SHLD2: variants seen among roughly 807,000 people sequenced by gnomAD.
SHLD2 encodes the protein RINN1-REV7-interacting novel NHEJ regulator 2.
A neutral mutation model predicts 73.2 loss-of-function variants in SHLD2; 30 were observed. That is an observed-to-expected ratio of 0.41 (90% confidence interval 0.31 to 0.56). SHLD2 has a LOEUF of 0.56. Ranked by LOEUF, SHLD2 falls within the 20% of genes least tolerant of loss-of-function variation. SHLD2 has a pLI of 0.28. For synonymous variants in SHLD2, 285 were observed against 370.1 expected, an observed-to-expected ratio of 0.77 and a Z score of 2.64; for missense variants, 745 against 1,055.9, an observed-to-expected ratio of 0.71 and a Z score of 4.08.
intron 2 of SHLD2, among the ~76,000 whole-genome samples, 194 bp downstream of exon 2, chr10:87,097,183 T>A (rs1325816987): frequency 6.6e-6 from 1 of 152,200 alleles, no homozygotes; most frequent in African/African-American, 2.4e-5. Context: ...GTTTTATTGT[T>A]TTTGTTGTTC....
chr10:87,178,574 G>A (rs1023663802), intron 7 of SHLD2, among the ~76,000 whole-genome samples: 2 of 151,420 alleles, frequency 1.3e-5, no homozygotes, highest in African/African-American at 4.9e-5. Flanking sequence ...AAATTAGCCA[G>A]GTGTGGTGGT....
rs115477312 is a variant in SHLD2, at chr10:87,186,270, A to G, written c.2400-815A>G. ...AGTAGTTATGTTTTAGCTCTGTCAC[A>G]TTAAATTCCCCCGCTAATGAGCCTG... On this transcript the variant is annotated intron_variant, in intron 8 of 9. Coordinates refer to ENST00000298786, the MANE Select transcript of SHLD2 (RefSeq NM_001330112.2). Among the ~76,000 whole-genome samples, 677 of 152,328 alleles carry G rather than the reference A, an allele frequency of 4.4e-3. 7 individuals are homozygous for G. Among genetic ancestry groups the G allele is most frequent in the African/African-American group, 0.015 (625 of 41,560 alleles).
intron 4 of SHLD2, among the ~76,000 whole-genome samples, chr10:87,160,725 C>T (rs966418406): frequency 9.9e-5 from 15 of 151,694 alleles, no homozygotes; most frequent in African/African-American, 3.2e-4. Flanking sequence ...TGCGGTGGCT[C>T]ACGCCTGTAA....
At chr10:87,127,127 C>T (rs1300904780) in intron 2 of SHLD2, among the ~76,000 whole-genome samples, 1 of 151,530 alleles carries the variant, frequency 6.6e-6, no homozygotes, top group African/African-American at 2.4e-5. Flanking sequence ...TTAAATTGCC[C>T]TTTGTTTATT....
At chr10:87,168,248 T>C (rs564763553) in intron 4 of SHLD2, among the ~76,000 whole-genome samples, 89 of 151,930 alleles carry the variant, frequency 5.9e-4, no homozygotes, top group African/African-American at 1.8e-3. Flanking sequence ...CAGTGGAGGA[T>C]TGAATAAAGA....
chr10:87,157,552 TTTAAC>T (rs1222736935), intron 3 of SHLD2, among the ~76,000 whole-genome samples: 4 of 152,210 alleles, frequency 2.6e-5, no homozygotes, highest in Non-Finnish European at 5.9e-5. Context: ...GTCTTTCACT[TTTAAC>T]TTATGTGGAA....
chr10:87,122,768 AT>A lies in SHLD2; in HGVS notation c.-6+25784del, dbSNP rs573630405. Among the ~76,000 whole-genome samples, 530 of 152,202 alleles carry A rather than the reference AT, an allele frequency of 3.5e-3. 5 individuals carry two copies. The highest frequency in any genetic ancestry group is 0.012 in the African/African-American group (516 of 41,556). On this transcript the variant is annotated intron_variant, in intron 2 of 9. Coordinates refer to ENST00000298786, the MANE Select transcript of SHLD2 (RefSeq NM_001330112.2). The stretch of plus-strand genomic sequence containing the variant: ...AACAATAAGGTGTTTTTATTTATTT[AT>A]TTTTGTTTATTTTTATTTTATTTTT...
chr10:87,137,240 A>G (rs1844859876), intron 2 of SHLD2, among the ~76,000 whole-genome samples: 1 of 152,206 alleles, frequency 6.6e-6, no homozygotes, highest in Non-Finnish European at 1.5e-5. Context: ...TTGAATGATA[A>G]AGGTTAACAA....
rs530927935 is a variant in SHLD2, at chr10:87,141,130, A to T, written c.-5-10220A>T. On this transcript the variant is annotated intron_variant, in intron 2 of 9. Transcript: ENST00000298786. ...CCCTGTCTCTCAAAAAAAAAAATTTAAAAAGGGGGGCATGGTGGCATGGGC... is the reference window on the plus strand; with the variant it reads ...CCCTGTCTCTCAAAAAAAAAAATTTTAAAAGGGGGGCATGGTGGCATGGGC... Among the ~76,000 whole-genome samples the T allele has an allele frequency of 5.3e-5, 8 of 152,044 alleles. No homozygotes were observed. In the East Asian group the frequency reaches 1.2e-3, roughly 22 times the overall value.
At chr10:87,104,143 A>T (rs1055487285) in intron 2 of SHLD2, among the ~76,000 whole-genome samples, 3 of 151,742 alleles carry the variant, frequency 2.0e-5, no homozygotes, top group African/African-American at 7.3e-5. Context: ...AGGCTGAGAC[A>T]GGAGACTCGC....
intron 7 of SHLD2, among the ~76,000 whole-genome samples, chr10:87,178,097 A>G (rs888774079): frequency 6.6e-6 from 1 of 151,768 alleles, no homozygotes; most frequent in African/African-American, 2.4e-5. Context: ...TCAGCCAGGC[A>G]TGATGTCGGG....
intron 2 of SHLD2, among the ~76,000 whole-genome samples, chr10:87,098,183 T>C (rs34566502): frequency 0.012 from 1,898 of 152,262 alleles, 31 homozygotes; most frequent in Middle Eastern, 0.071. Context: ...GGAGTATTTC[T>C]TTTCACACTG....
At chr10:87,144,731 A>C (rs1346063084) in intron 2 of SHLD2, among the ~76,000 whole-genome samples, 1 of 139,484 alleles carries the variant, frequency 7.2e-6, no homozygotes, top group Non-Finnish European at 1.5e-5. Flanking sequence ...GGTTCACGCC[A>C]TGCTCCTGCC....
chr10:87,096,437 G>T (rs1273950842), intron 1 of SHLD2, among the ~76,000 whole-genome samples: 4 of 152,004 alleles, frequency 2.6e-5, no homozygotes, highest in Admixed American at 2.6e-4. Flanking sequence ...ACATTCCTAT[G>T]GATAGCTTTT....
At chr10:87,171,157 C>G (rs548502808) in intron 6 of SHLD2, among the ~76,000 whole-genome samples, 183 bp downstream of exon 6, 13 of 152,126 alleles carry the variant, frequency 8.5e-5, no homozygotes, top group Non-Finnish European at 1.8e-4. Flanking sequence ...ATTCATTTAT[C>G]TAATAAGTCT....
Position 87,106,523 on chromosome 10 carries a change from A to G in SHLD2, c.-6+9534A>G, listed in dbSNP as rs959961466. On this transcript the variant is annotated intron_variant, in intron 2 of 9. Transcript: ENST00000298786. ...AAATTCTAGTTCTCCTTGAGATCTT[A>G]TACAATGATAACAGTTTTAAAATTA... Among the ~76,000 whole-genome samples the G allele has an allele frequency of 3.9e-5, 6 of 152,350 alleles. No homozygotes were observed. The South Asian group carries it at 1.2e-3, about 32-fold the overall frequency.
At chr10:87,094,495 C>G (rs1050160), upstream of SHLD2, 1 of 1,613,594 alleles carries the variant, frequency 6.2e-7, no homozygotes, top group East Asian at 2.2e-5. The surrounding 1 kb of genome is among the most constrained non-coding windows in gnomAD (Gnocchi z 6.6). Flanking sequence ...CTCGCTCTCC[C>G]GGGTCCTCAG....
intron 9 of SHLD2, among the ~76,000 whole-genome samples, chr10:87,189,595 G>A (rs2079195995): frequency 6.6e-6 from 1 of 152,070 alleles, no homozygotes; most frequent in South Asian, 2.1e-4. Context: ...TGGTCCTCCA[G>A]GACTCTGTAG....
intron 1 of SHLD2, among the ~76,000 whole-genome samples, chr10:87,096,219 A>G (rs930561102): frequency 6.6e-6 from 1 of 151,722 alleles, no homozygotes; most frequent in Non-Finnish European, 1.5e-5. Context: ...TAATTTTTGC[A>G]TTTTTAGTAG....
Sources: allele counts gnomAD v4.1 joint callset (sites outside exome capture counted in the v4.1 genomes callset), GRCh38; gene constraint gnomAD v4.1.1; non-coding constraint Gnocchi (gnomAD v3.1); transcripts MANE v1.5; gene names NCBI Gene and HGNC (gene_info 2026-07-23, HGNC 2026-07-21).